F10: variants seen among roughly 807,000 people sequenced by gnomAD.
F10 encodes coagulation factor X, also known as Stuart-Prower factor.
Under a neutral mutation model 37.1 loss-of-function variants are expected in F10, and 29 were observed. The observed-to-expected ratio is 0.78, with a 90% CI of 0.58 to 1.07. The LOEUF (loss-of-function observed/expected upper bound fraction) is 1.07, where lower values mean the gene tolerates loss of function less well. Ranked by LOEUF, F10 falls within the 50% of genes least tolerant of loss-of-function variation. The probability of loss-of-function intolerance (pLI) is 0.00; values close to 1 mark genes in which losing one functional copy is unlikely to be tolerated. For missense variants in F10, 539 were observed against 667.9 expected, an observed-to-expected ratio of 0.81 and a Z score of 2.13; for synonymous variants, 262 against 268.6, an observed-to-expected ratio of 0.98 and a Z score of 0.24.
chr13:113,124,070 CAG>C (rs2036347070), intron 1 of F10, among the ~76,000 whole-genome samples: 1 of 152,252 alleles, frequency 6.6e-6, no homozygotes, highest in African/African-American at 2.4e-5. Context: ...TGCAAACAGA[CAG>C]ATGCTTCCGC....
At chr13:113,148,363 T>TATATATATATATAC (rs56165023) in intron 7 of F10, among the ~76,000 whole-genome samples, 4 of 110,360 alleles carry the variant, frequency 3.6e-5, no homozygotes, top group Non-Finnish European at 7.0e-5. Context: ...TATATATATA[T>TATATATATATATAC]GTATATATAT....
chr13:113,130,281 C>T (rs2036419933), intron 2 of F10: 1 of 155,374 alleles, frequency 6.4e-6, no homozygotes, highest in Non-Finnish European at 1.4e-5. Flanking sequence ...AGCAATGCCA[C>T]CAGGCCGCGA....
At position 113,129,357 on chromosome 13, in the gene F10, A is replaced by G. The variant is rs564575080; in HGVS notation, c.71-95A>G. 2.7e-6 allele frequency: 4 copies of G among 1,498,270 alleles called. No individual in the cohort carries two copies. In the East Asian group the frequency reaches 9.0e-5, roughly 34 times the overall value. 92.8% of individuals were successfully genotyped at this position (1,498,270 alleles called of 1,614,324 possible). On this transcript the variant is annotated intron_variant, in intron 1 of 7. Transcript: ENST00000375559. Reference sequence around the variant, plus strand: ...GAGTGATCCGCCTTTTGTGATCTGGATATGGCAAGGGACATGGCAGTCAGG... The same window carrying G: ...GAGTGATCCGCCTTTTGTGATCTGGGTATGGCAAGGGACATGGCAGTCAGG...
At chr13:113,123,667 C>T (rs781389274) in intron 1 of F10, among the ~76,000 whole-genome samples, 1 of 152,160 alleles carries the variant, frequency 6.6e-6, no homozygotes, top group Non-Finnish European at 1.5e-5. Flanking sequence ...GAGGGAGAGA[C>T]GGAGCAGGGG....
Position 113,141,145 on chromosome 13 carries a change from G to T in F10, c.502+95G>T. The stretch of plus-strand genomic sequence containing the variant: ...GGGGGTGGGGACACAGGCATGTTCT[G>T]GGCGGGCCTGGCAGGTAACAGTGAC... On this transcript the variant is annotated intron_variant, in intron 5 of 7. Transcript: ENST00000375559. The surrounding 1 kb of genome is among the most constrained non-coding windows in gnomAD (Gnocchi z 5.4). 3 of 1,557,860 alleles carry T rather than the reference G, an allele frequency of 1.9e-6. No homozygotes were observed. The highest frequency in any genetic ancestry group is 2.6e-6 in the Non-Finnish European group (3 of 1,151,790).
intron 6 of F10, among the ~76,000 whole-genome samples, chr13:113,145,610 G>A (rs762661023): frequency 4.6e-5 from 7 of 152,164 alleles, no homozygotes; most frequent in East Asian, 1.9e-4. Flanking sequence ...ATACATACCC[G>A]AGACTGGGTA....
chr13:113,135,258 C>A (rs1215744069), intron 2 of F10, among the ~76,000 whole-genome samples: 258 of 148,730 alleles, frequency 1.7e-3, no homozygotes, highest in Non-Finnish European at 3.0e-3. Flanking sequence ...AAAAAAAAAA[C>A]AAAAGAAAAG....
chr13:113,127,040 G>A lies in F10; in HGVS notation c.71-2412G>A, dbSNP rs548409253. On this transcript the variant is annotated intron_variant, in intron 1 of 7. Coordinates refer to ENST00000375559, the MANE Select transcript of F10 (RefSeq NM_000504.4). Reference sequence around the variant, plus strand: ...AGTCTAGCGTTGGTGGGATAATGTCGGTGTCACTAAAAGAAATGGGGAATT... The same window carrying A: ...AGTCTAGCGTTGGTGGGATAATGTCAGTGTCACTAAAAGAAATGGGGAATT... Among the ~76,000 whole-genome samples the A allele has an allele frequency of 3.9e-5, 6 of 152,220 alleles. No homozygotes were observed. The South Asian group carries it at 1.0e-3, about 26-fold the overall frequency.
chr13:113,137,488 G>A (rs1171268936), intron 2 of F10, among the ~76,000 whole-genome samples: 1 of 152,202 alleles, frequency 6.6e-6, no homozygotes, highest in African/African-American at 2.4e-5. Flanking sequence ...GTTTTGCTGT[G>A]TGAGAATTTT....
chr13:113,138,579 C>G (rs2026160), intron 3 of F10, 98 bp downstream of exon 3: 1 of 823,284 alleles, frequency 1.2e-6, no homozygotes, highest in Admixed American at 2.0e-5. Flanking sequence ...CTTTTGTTCT[C>G]ATTTTACTCA....
intron 1 of F10, among the ~76,000 whole-genome samples, chr13:113,124,318 T>G (rs796406864): frequency 8.5e-5 from 13 of 152,356 alleles, no homozygotes; most frequent in African/African-American, 3.1e-4. Flanking sequence ...TGCAGAGTCC[T>G]GGTGGAGCGC....
chr13:113,136,999 G>T (rs1036351265), intron 2 of F10, among the ~76,000 whole-genome samples: 4 of 150,846 alleles, frequency 2.7e-5, no homozygotes, highest in African/African-American at 4.9e-5. Context: ...TGGCCAGGCT[G>T]GTCTCGAACT....
chr13:113,131,329 C>T (rs935425630), intron 2 of F10: 1 of 152,230 alleles, frequency 6.6e-6, no homozygotes, highest in Non-Finnish European at 1.5e-5. Context: ...CCTATATGGT[C>T]TGTGCAGACT....
chr13:113,138,335 TA>T, intron 2 of F10, 121 bp from the exon 3 acceptor site: 1 of 573,402 alleles, frequency 1.7e-6, no homozygotes, highest in Non-Finnish European at 3.2e-6. Context: ...AATTCATTCC[TA>T]AAAGTGACTT....
intron 4 of F10, 38 bp from the exon 5 acceptor site, chr13:113,140,881 C>T (rs1215684388): frequency 3.7e-6 from 6 of 1,613,634 alleles, no homozygotes; most frequent in South Asian, 1.1e-5. Context: ...CTCCATTTCT[C>T]CAGCTGTCCC....
At position 113,136,251 on chromosome 13, in the gene F10, A is replaced by C. The variant is rs894330980; in HGVS notation, c.232-2206A>C. On this transcript the variant is annotated intron_variant, in intron 2 of 7. Transcript: ENST00000375559. ...GAACAGCGCTGGTTAAGACACGGAGAAAGCAGAACTTTGATACACTGCTCG... is the reference window on the plus strand; with the variant it reads ...GAACAGCGCTGGTTAAGACACGGAGCAAGCAGAACTTTGATACACTGCTCG... Among the ~76,000 whole-genome samples, 4 of 152,320 alleles carry C rather than the reference A, an allele frequency of 2.6e-5. No individual in the cohort carries two copies. The South Asian group carries it at 8.3e-4, about 32-fold the overall frequency.
chr13:113,144,189 C>T lies in F10; in HGVS notation c.747+94C>T, dbSNP rs545083414. The T allele has an allele frequency of 1.5e-4, 233 of 1,578,542 alleles. No homozygotes were observed. The African/African-American group carries it at 1.8e-3, about 12-fold the overall frequency. On this transcript the variant is annotated intron_variant, in intron 6 of 7. Coordinates refer to ENST00000375559, the MANE Select transcript of F10 (RefSeq NM_000504.4). The surrounding 1 kb of genome is among the most constrained non-coding windows in gnomAD (Gnocchi z 6.4). The stretch of plus-strand genomic sequence containing the variant: ...CAGCCTGACACTTGGAATAGCAATC[C>T]GGGAAGGAACTGTTCCGAACTAGGA...
Position 113,141,128 on chromosome 13 carries a change from G to C in F10, c.502+78G>C, listed in dbSNP as rs1380385742. 1 of 1,592,460 alleles carries C rather than the reference G, an allele frequency of 6.3e-7. No individual in the cohort carries two copies. ...AGGACAAGCCCGTGCCAGGGGGTGG[G>C]GACACAGGCATGTTCTGGGCGGGCC... is the stretch of plus-strand genomic sequence containing the variant. On this transcript the variant is annotated intron_variant, in intron 5 of 7. Transcript: ENST00000375559. This position sits in a 1 kb window ranked among gnomAD's most constrained non-coding sequence, Gnocchi z 5.4.
In F10 at chr13:113,143,345, G is replaced by A. The variant is rs183246813; in HGVS notation, c.503-506G>A. On this transcript the variant is annotated intron_variant, in intron 5 of 7. Coordinates refer to ENST00000375559, the MANE Select transcript of F10 (RefSeq NM_000504.4). The surrounding 1 kb of genome is among the most constrained non-coding windows in gnomAD (Gnocchi z 6.8). ...CCTGTGCCTCCAGTTGTTTGCGTGCGCCATTCCTTCTGCCTGAAAACTTTT... is the reference window on the plus strand; with the variant it reads ...CCTGTGCCTCCAGTTGTTTGCGTGCACCATTCCTTCTGCCTGAAAACTTTT... Among the ~76,000 whole-genome samples the A allele has an allele frequency of 8.9e-4, 135 of 152,212 alleles. No individual in the cohort carries two copies. The highest frequency in any genetic ancestry group is 3.0e-3 in the African/African-American group (126 of 41,534).
Sources: gnomAD v4.1 joint callset for allele counts (sites outside exome capture counted in the v4.1 genomes callset) on GRCh38, gnomAD v4.1.1 for gene constraint, Gnocchi (gnomAD v3.1) non-coding constraint, MANE v1.5 for transcripts, NCBI Gene and HGNC (gene_info 2026-07-23, HGNC 2026-07-21) for gene names.